STK4: variants seen among roughly 807,000 people sequenced by gnomAD.
The protein encoded by STK4 is serine/threonine-protein kinase 4.
STK4 carries 30 observed loss-of-function variants against 64.9 expected under a neutral mutation model. The observed-to-expected ratio is 0.46, with a 90% CI of 0.35 to 0.63. STK4 has a LOEUF of 0.63. Ranked by LOEUF, STK4 falls within the 20% of genes least tolerant of loss-of-function variation. The pLI is 0.01. For missense variants in STK4, 466 were observed against 598.5 expected (o/e 0.78, Z 2.31); for synonymous variants, 177 against 199.0 (o/e 0.89, Z 0.93).
intron 2 of STK4, chr20:44,974,045 A>T (rs958883444): frequency 2.6e-5 from 4 of 152,180 alleles, no homozygotes; most frequent in Non-Finnish European, 4.4e-5. Flanking sequence ...AAATAAGCTA[A>T]TTATGATTTT....
intron 10 of STK4, among the ~76,000 whole-genome samples, chr20:45,055,766 A>G (rs1978426855): frequency 7.0e-6 from 1 of 143,474 alleles, no homozygotes; most frequent in African/African-American, 2.6e-5. Flanking sequence ...GGAGTCTTGC[A>G]CTGTTGCCCA....
intron 1 of STK4, chr20:44,967,065 T>TG (rs2067162612): frequency 1.2e-6 from 1 of 846,586 alleles, no homozygotes; most frequent in East Asian, 1.2e-4. Context: ...GGGGGATCTG[T>TG]GGAGGGGAAA....
intron 9 of STK4, among the ~76,000 whole-genome samples, chr20:45,004,682 A>T (rs187223525): frequency 2.7e-5 from 4 of 150,594 alleles, no homozygotes; most frequent in Admixed American, 1.3e-4. Context: ...TAGTTTAATT[A>T]GATTCCGTTT....
At chr20:45,017,691 A>G (rs7274547) in intron 9 of STK4, among the ~76,000 whole-genome samples, 2,060 of 152,302 alleles carry the variant, frequency 0.014, 43 homozygotes, top group African/African-American at 0.046. Context: ...CAATTAGGAA[A>G]TTCTTGCAAG....
chr20:44,972,256 T>C, intron 2 of STK4, 98 bp downstream of exon 2: 2 of 1,078,418 alleles, frequency 1.9e-6, no homozygotes, highest in Non-Finnish European at 2.8e-6. Flanking sequence ...TTGTTCTAGG[T>C]GGGGTGGAAG....
At chr20:45,069,552 A>G (rs999140234) in intron 10 of STK4, among the ~76,000 whole-genome samples, 2 of 152,244 alleles carry the variant, frequency 1.3e-5, no homozygotes, top group Non-Finnish European at 2.9e-5. Context: ...AGACATTCTC[A>G]TTAAGTGAAC....
chr20:45,056,867 A>T (rs1978526085), intron 10 of STK4, among the ~76,000 whole-genome samples: 1 of 152,228 alleles, frequency 6.6e-6, no homozygotes, highest in Non-Finnish European at 1.5e-5. Flanking sequence ...AGGGCTTCAG[A>T]CTTCATTGGA....
chr20:45,006,637 A>G (rs1372907647), intron 9 of STK4, among the ~76,000 whole-genome samples: 2 of 152,156 alleles, frequency 1.3e-5, no homozygotes, highest in Admixed American at 6.5e-5. Context: ...TTGTACAGGC[A>G]TCCCTAGGGC....
chr20:45,070,370 G>C (rs1318209795), intron 10 of STK4, among the ~76,000 whole-genome samples: 3 of 152,196 alleles, frequency 2.0e-5, no homozygotes, highest in Non-Finnish European at 1.5e-5. Flanking sequence ...AAGTGGTTGG[G>C]TTTGAGTTAT....
Position 45,076,306 on chromosome 20 carries a change from C to T in STK4, c.*1130C>T, listed in dbSNP as rs1980509253. On this transcript the variant is annotated 3_prime_UTR_variant, in exon 11 of 11. Coordinates refer to ENST00000372806, the MANE Select transcript of STK4 (RefSeq NM_006282.5). This position sits in a 1 kb window ranked among gnomAD's most constrained non-coding sequence, Gnocchi z 4.0. Reference sequence around the variant, plus strand: ...TATAGAGATCATCTGATCTGATCCTCTTGTACGGATGATCGCAAAACTGAG... The same window carrying T: ...TATAGAGATCATCTGATCTGATCCTTTTGTACGGATGATCGCAAAACTGAG... 1 of 152,186 alleles carries T rather than the reference C, an allele frequency of 6.6e-6. No homozygotes were observed. Among genetic ancestry groups the T allele is most frequent in the Non-Finnish European group, 1.5e-5 (1 of 68,054 alleles). 9.4% of individuals were successfully genotyped at this position (152,186 alleles called of 1,614,324 possible).
In STK4 at chr20:45,075,982, G is replaced by A. The variant is rs1469458665; in HGVS notation, c.*806G>A. ...ACAGATACTGCCCAGTGCCTTAAGA[G>A]GAGACATGATCTCTACCAGGGACTC... On this transcript the variant is annotated 3_prime_UTR_variant, in exon 11 of 11. Transcript: ENST00000372806. 1.3e-5 allele frequency: 2 copies of A among 152,624 alleles called. No homozygotes were observed. The highest frequency in any genetic ancestry group is 2.9e-5 in the Non-Finnish European group (2 of 68,056). 9.5% of individuals were successfully genotyped at this position (152,624 alleles called of 1,614,324 possible). A position where few individuals can be genotyped will look rare whatever the true frequency, so the allele number is the denominator to read the frequency against.
intron 10 of STK4, among the ~76,000 whole-genome samples, chr20:45,050,942 C>T (rs955823132): frequency 1.3e-5 from 2 of 151,964 alleles, no homozygotes; most frequent in Non-Finnish European, 1.5e-5. Context: ...AGGTAGCAAT[C>T]GAGCTTTATA....
intron 10 of STK4, among the ~76,000 whole-genome samples, chr20:45,060,880 C>CT (rs1192786552): frequency 6.6e-6 from 1 of 152,170 alleles, no homozygotes; most frequent in Non-Finnish European, 1.5e-5. Context: ...ATGCCATATA[C>CT]TTTTTTTGTC....
chr20:45,007,347 T>C (rs893671791), intron 9 of STK4, among the ~76,000 whole-genome samples: 4 of 152,070 alleles, frequency 2.6e-5, no homozygotes, highest in African/African-American at 9.7e-5. Flanking sequence ...GGTCAGAAGA[T>C]CGAGACCAGC....
chr20:45,057,577 T>TC (rs1274456124), intron 10 of STK4, among the ~76,000 whole-genome samples: 1 of 152,172 alleles, frequency 6.6e-6, no homozygotes, highest in African/African-American at 2.4e-5. Context: ...TTCTCCCCTC[T>TC]CCCAGTCATT....
In STK4 at chr20:45,076,314, G is replaced by A. The variant is rs1011541832; in HGVS notation, c.*1138G>A. The stretch of plus-strand genomic sequence containing the variant: ...TCATCTGATCTGATCCTCTTGTACG[G>A]ATGATCGCAAAACTGAGGTGTAGAG... On this transcript the variant is annotated 3_prime_UTR_variant, in exon 11 of 11. Transcript: ENST00000372806. The surrounding 1 kb of genome is among the most constrained non-coding windows in gnomAD (Gnocchi z 4.0). The A allele has an allele frequency of 2.0e-5, 3 of 152,214 alleles. No homozygotes were observed. Among genetic ancestry groups the A allele is most frequent in the African/African-American group, 7.2e-5 (3 of 41,426 alleles). 9.4% of individuals were successfully genotyped at this position (152,214 alleles called of 1,614,324 possible).
At chr20:45,049,380 T>G (rs983054719) in intron 10 of STK4, among the ~76,000 whole-genome samples, 1 of 152,200 alleles carries the variant, frequency 6.6e-6, no homozygotes, top group African/African-American at 2.4e-5. Context: ...CAAGTGCTCT[T>G]ATTCCTAGAT....
chr20:45,007,530 G>A (rs915074347), intron 9 of STK4, among the ~76,000 whole-genome samples: 1 of 151,376 alleles, frequency 6.6e-6, no homozygotes, highest in African/African-American at 2.5e-5. Context: ...CCGGGTGACA[G>A]AGCGAGACTC....
At chr20:45,045,071 A>C (rs1018008381) in intron 10 of STK4, among the ~76,000 whole-genome samples, 2 of 152,028 alleles carry the variant, frequency 1.3e-5, no homozygotes, top group African/African-American at 4.8e-5. Flanking sequence ...TACTATTATA[A>C]AAAAATTAAC....
Sources: allele counts gnomAD v4.1 joint callset (sites outside exome capture counted in the v4.1 genomes callset), GRCh38; gene constraint gnomAD v4.1.1; non-coding constraint Gnocchi (gnomAD v3.1); transcripts MANE v1.5; gene names NCBI Gene and HGNC (gene_info 2026-07-23, HGNC 2026-07-21).